The following ARMH1 variants were observed in gnomAD, a reference collection of about 807,000 sequenced individuals.
ARMH1 encodes armadillo like helical domain containing 1, also known as armadillo-like helical domain containing protein 1.
A neutral mutation model predicts 50.2 loss-of-function variants in ARMH1; 34 were observed. That is an observed-to-expected ratio of 0.68 (90% CI 0.51 to 0.90). ARMH1 has a LOEUF of 0.90. Ranked by LOEUF, ARMH1 falls within the 40% of genes least tolerant of loss-of-function variation. The pLI is 0.00. For synonymous variants in ARMH1, 221 were observed against 224.2 expected (o/e 0.99, Z 0.13); for missense variants, 538 against 553.9 (o/e 0.97, Z 0.29).
At chr1:44,694,158 G>C (rs1332822692) in intron 2 of ARMH1, among the ~76,000 whole-genome samples, 2 of 152,088 alleles carry the variant, frequency 1.3e-5, no homozygotes, top group Non-Finnish European at 2.9e-5. Flanking sequence ...TGCTTTTACT[G>C]AACAGTTGTA....
At chr1:44,678,633 GA>G in intron 1 of ARMH1, among the ~76,000 whole-genome samples, 2 of 152,214 alleles carry the variant, frequency 1.3e-5, no homozygotes, top group Middle Eastern at 6.8e-3. Context: ...TCAGGGACGG[GA>G]GCCCAAGGAG....
chr1:44,689,678 A>G lies in ARMH1; in HGVS notation c.-20A>G. 3.2e-6 allele frequency: 5 copies of G among 1,550,884 alleles called. No homozygotes were observed. The South Asian group carries it at 6.0e-5, about 18-fold the overall frequency. Reference sequence around the variant, plus strand: ...GTCTCTTTTCCCTCCCTCTGTAGCCAACTTCAGGACTGATTGATCATGACT... The same window carrying G: ...GTCTCTTTTCCCTCCCTCTGTAGCCGACTTCAGGACTGATTGATCATGACT... On this transcript the variant is annotated splice_region_variant and 5_prime_UTR_variant, in exon 2 of 12. Coordinates refer to ENST00000535358, the MANE Select transcript of ARMH1 (RefSeq NM_001145636.2).
intron 1 of ARMH1, among the ~76,000 whole-genome samples, chr1:44,677,615 T>G (rs1297287517): frequency 6.6e-6 from 1 of 152,160 alleles, no homozygotes; most frequent in Non-Finnish European, 1.5e-5. Context: ...CAAGGTCCAC[T>G]GTGTGGCCGT....
chr1:44,689,645 G>T lies in ARMH1; in HGVS notation c.-22-31G>T. On this transcript the variant is annotated intron_variant, in intron 1 of 11. Coordinates refer to ENST00000535358, the MANE Select transcript of ARMH1 (RefSeq NM_001145636.2). ...GGAGTTGCATGATTCTAAACATTCC[G>T]GTAACCTGTCTCTTTTCCCTCCCTC... is the stretch of plus-strand genomic sequence containing the variant. 2.0e-6 allele frequency: 3 copies of T among 1,486,510 alleles called. No individual in the cohort carries two copies. In the South Asian group the frequency reaches 3.6e-5, roughly 18 times the overall value. 92.1% of individuals were successfully genotyped at this position (1,486,510 alleles called of 1,614,324 possible). A position where few individuals can be genotyped will look rare whatever the true frequency, so the allele number is the denominator to read the frequency against.
chr1:44,684,426 A>G (rs987181313), intron 1 of ARMH1: 3 of 152,224 alleles, frequency 2.0e-5, no homozygotes, highest in Non-Finnish European at 2.9e-5. Flanking sequence ...ATAAAAAAGC[A>G]TTCAGTCACA....
rs144406908 is a variant in ARMH1 at position 44,709,483 on chromosome 1, T to C, written c.724+5310T>C. Among the ~76,000 whole-genome samples, 1,236 of 152,176 alleles carry C rather than the reference T, an allele frequency of 8.1e-3. 8 individuals are homozygous for C. Among genetic ancestry groups the C allele is most frequent in the East Asian group, 0.014 (71 of 5,180 alleles). ...GTCAGGAGATCGAGACCATCCTGGC[T>C]AACACGGTGAAACCCCATCTCTACT... On this transcript the variant is annotated intron_variant, in intron 6 of 11. Transcript: ENST00000535358.
chr1:44,674,954 GA>G (rs1645083437), intron 1 of ARMH1, 81 bp downstream of exon 1: 1 of 151,560 alleles, frequency 6.6e-6, no homozygotes, highest in Non-Finnish European at 1.5e-5. Context: ...ATTCTGGATG[GA>G]TGGATGGATG....
chr1:44,721,801 A>G (rs1441995791), intron 6 of ARMH1: 2 of 151,286 alleles, frequency 1.3e-5, no homozygotes, highest in Non-Finnish European at 2.9e-5. Flanking sequence ...TGCCTAGGCA[A>G]GACTTCAAAA....
chr1:44,675,714 C>T (rs1645115717), intron 1 of ARMH1, among the ~76,000 whole-genome samples: 1 of 151,324 alleles, frequency 6.6e-6, no homozygotes, highest in South Asian at 2.1e-4. Flanking sequence ...AATCCCAGCA[C>T]TTTGGGAGGC....
chr1:44,721,376 A>G lies in ARMH1; in HGVS notation c.725-2746A>G, dbSNP rs148205440. Among the ~76,000 whole-genome samples, 268 of 152,270 alleles carry G rather than the reference A, an allele frequency of 1.8e-3. 3 individuals are homozygous for G. The highest frequency in any genetic ancestry group is 2.8e-3 in the Non-Finnish European group (191 of 68,008). On this transcript the variant is annotated intron_variant, in intron 6 of 11. Transcript: ENST00000535358. ...AGTTTTTCCTACACTTAATTTTTCA[A>G]ATATGAGACCAGTCCAAAGTATAAG... is the stretch of plus-strand genomic sequence containing the variant.
intron 6 of ARMH1, among the ~76,000 whole-genome samples, chr1:44,714,521 G>T (rs890669225): frequency 6.6e-6 from 1 of 151,748 alleles, no homozygotes; most frequent in African/African-American, 2.4e-5. Flanking sequence ...GGAGGCGGAG[G>T]TTGCGGTGAG....
chr1:44,707,809 T>G (rs1646410729), intron 6 of ARMH1, among the ~76,000 whole-genome samples: 1 of 152,236 alleles, frequency 6.6e-6, no homozygotes, highest in Admixed American at 6.5e-5. Context: ...AGAGTCCTTC[T>G]GCATTTATTC....
intron 4 of ARMH1, among the ~76,000 whole-genome samples, chr1:44,699,916 A>C (rs1573369412): frequency 7.0e-6 from 1 of 142,972 alleles, no homozygotes; most frequent in African/African-American, 2.6e-5. Flanking sequence ...TACAACCTCC[A>C]CCTCCCGGGT....
chr1:44,720,066 G>A (rs561905466), intron 6 of ARMH1, among the ~76,000 whole-genome samples: 10 of 152,156 alleles, frequency 6.6e-5, no homozygotes, highest in East Asian at 3.9e-4. Flanking sequence ...GTGTGGTGGC[G>A]GGCGCCTATA....
intron 2 of ARMH1, among the ~76,000 whole-genome samples, chr1:44,690,542 C>T (rs947927430): frequency 6.6e-6 from 1 of 152,168 alleles, no homozygotes; most frequent in African/African-American, 2.4e-5. Context: ...TAGCTTTCAC[C>T]TTTGCCTCAT....
chr1:44,692,554 A>G (rs1331089952), intron 2 of ARMH1, among the ~76,000 whole-genome samples: 2 of 152,128 alleles, frequency 1.3e-5, no homozygotes, highest in Non-Finnish European at 2.9e-5. Flanking sequence ...ATGTTTGCTG[A>G]GTAGAGGAAT....
In ARMH1 at chr1:44,725,516, G is replaced by C. The variant is rs567477894; in HGVS notation, c.*113G>C. On this transcript the variant is annotated 3_prime_UTR_variant, in exon 12 of 12. Transcript: ENST00000535358. ...CTCCACTTGGCTCCAGGGGGGAGACGGGGATTAGGCATCCCAGAGGGGCAG... is the reference window on the plus strand; with the variant it reads ...CTCCACTTGGCTCCAGGGGGGAGACCGGGATTAGGCATCCCAGAGGGGCAG... 15 of 1,049,080 alleles carry C rather than the reference G, an allele frequency of 1.4e-5. No individual in the cohort carries two copies. The South Asian group carries it at 1.7e-4, about 12-fold the overall frequency. The allele number at this position is 1,049,080 out of a possible 1,614,324, so 65.0% of individuals were successfully genotyped here. A position where few individuals can be genotyped will look rare whatever the true frequency, so the allele number is the denominator to read the frequency against.
intron 6 of ARMH1, among the ~76,000 whole-genome samples, chr1:44,722,422 C>T (rs1573515105): frequency 6.6e-6 from 1 of 152,036 alleles, no homozygotes; most frequent in South Asian, 2.1e-4. Flanking sequence ...AAAAAAAAGT[C>T]CAGGCGTGGT....
At chr1:44,692,085 G>T (rs977655177) in intron 2 of ARMH1, among the ~76,000 whole-genome samples, 16 of 151,994 alleles carry the variant, frequency 1.1e-4, no homozygotes, top group African/African-American at 3.9e-4. Context: ...GAACCCTCTC[G>T]CCTTCTCTAA....
Sources: allele counts gnomAD v4.1 joint callset (sites outside exome capture counted in the v4.1 genomes callset), GRCh38; gene constraint gnomAD v4.1.1; transcripts MANE v1.5; gene names NCBI Gene and HGNC (gene_info 2026-07-23, HGNC 2026-07-21).